The following NRIP3 variants were observed in gnomAD, a reference collection of about 807,000 sequenced individuals.
NRIP3 encodes the protein nuclear receptor interacting protein 3.
A neutral mutation model predicts 29.0 loss-of-function variants in NRIP3; 31 were observed. The observed-to-expected ratio is 1.07, with a 90% confidence interval of 0.80 to 1.44. The LOEUF is 1.44. NRIP3 is among the 40% of genes most tolerant of loss of function. The pLI, the probability that NRIP3 is intolerant of heterozygous loss-of-function variation, is 0.00. For synonymous variants in NRIP3, 131 were observed against 118.3 expected (o/e 1.11, Z -0.70); for missense variants, 314 against 297.9 (o/e 1.05, Z -0.40).
intron 1 of NRIP3, among the ~76,000 whole-genome samples, chr11:8,988,504 A>G (rs145419009): frequency 2.3e-4 from 35 of 152,312 alleles, no homozygotes; most frequent in Admixed American, 2.0e-4. Flanking sequence ...AATGCAAGAT[A>G]TGACACTGGG....
intron 1 of NRIP3, among the ~76,000 whole-genome samples, chr11:9,003,030 T>C (rs1229562383): frequency 6.6e-6 from 1 of 152,088 alleles, no homozygotes; most frequent in Non-Finnish European, 1.5e-5. Flanking sequence ...TGCTTCTACT[T>C]AATGCCAGGA....
At chr11:8,996,203 C>G in intron 1 of NRIP3, among the ~76,000 whole-genome samples, 1 of 151,768 alleles carries the variant, frequency 6.6e-6, no homozygotes. Context: ...TTGATTTCAG[C>G]TATATCCTCA....
intron 1 of NRIP3, among the ~76,000 whole-genome samples, chr11:9,001,002 G>A (rs1479877130): frequency 6.6e-6 from 1 of 152,050 alleles, no homozygotes; most frequent in Non-Finnish European, 1.5e-5. Context: ...CTGCGAGGTC[G>A]AGGCTGCAGT....
intron 1 of NRIP3, 89 bp from the exon 2 acceptor site, chr11:8,988,371 G>A (rs369393272): frequency 1.9e-6 from 2 of 1,061,450 alleles, no homozygotes; most frequent in East Asian, 2.4e-5. Context: ...TAATGAAGGA[G>A]CCTCCCATAA....
At chr11:8,994,750 C>G (rs1854671072) in intron 1 of NRIP3, among the ~76,000 whole-genome samples, 1 of 152,170 alleles carries the variant, frequency 6.6e-6, no homozygotes, top group Non-Finnish European at 1.5e-5. Flanking sequence ...TTATTCTGTT[C>G]CTGTCTCTCT....
intron 1 of NRIP3, among the ~76,000 whole-genome samples, chr11:8,991,507 T>C (rs1353030208): frequency 1.3e-5 from 2 of 152,176 alleles, no homozygotes; most frequent in African/African-American, 2.4e-5. Flanking sequence ...TTACCTCTGC[T>C]TTCAGCCAAA....
intron 1 of NRIP3, among the ~76,000 whole-genome samples, chr11:9,000,561 A>T (rs1419505132): frequency 6.6e-6 from 1 of 152,260 alleles, no homozygotes. Flanking sequence ...CTCTATTGCC[A>T]GACAAGTAAG....
intron 1 of NRIP3, among the ~76,000 whole-genome samples, chr11:8,997,355 C>CAA (rs11324721): frequency 0.026 from 2,624 of 100,432 alleles, 68 homozygotes; most frequent in Non-Finnish European, 0.035. Context: ...GACTCCGTCT[C>CAA]AAAAAAAAAA....
In NRIP3 at chr11:8,982,728, G is replaced by T; in HGVS notation, c.*817C>A. 3.7e-6 allele frequency: 1 copy of T among 270,658 alleles called. No individual in the cohort carries two copies. Among genetic ancestry groups the T allele is most frequent in the Non-Finnish European group, 7.3e-6 (1 of 137,600 alleles). 16.8% of individuals were successfully genotyped at this position (270,658 alleles called of 1,614,324 possible). A position where few individuals can be genotyped will look rare whatever the true frequency, so the allele number is the denominator to read the frequency against. ...CCAAGATGAGGGCCTAAATGTGACA[G>T]TTTGGGGCAAGGAACTTTTACTGGG... On this transcript the variant is annotated 3_prime_UTR_variant, in exon 7 of 7. Coordinates refer to ENST00000309166, the MANE Select transcript of NRIP3 (RefSeq NM_020645.3).
Position 8,982,556 on chromosome 11 carries a change from G to C in NRIP3, c.*989C>G, listed in dbSNP as rs774633913. 2 of 160,708 alleles carry C rather than the reference G, an allele frequency of 1.2e-5. No homozygotes were observed. The highest frequency in any genetic ancestry group is 4.8e-5 in the African/African-American group (2 of 41,446). 10.0% of individuals were successfully genotyped at this position (160,708 alleles called of 1,614,324 possible). On this transcript the variant is annotated 3_prime_UTR_variant, in exon 7 of 7. Coordinates refer to ENST00000309166, the MANE Select transcript of NRIP3 (RefSeq NM_020645.3). Reference sequence around the variant, plus strand: ...TGATCGGATCTTGGGAGTAATCAACGTCTGACAGTGACACTCTGATTTACT... The same window carrying C: ...TGATCGGATCTTGGGAGTAATCAACCTCTGACAGTGACACTCTGATTTACT...
chr11:8,985,943 C>T, intron 3 of NRIP3, 93 bp from the exon 4 acceptor site: 2 of 1,422,568 alleles, frequency 1.4e-6, no homozygotes, highest in Non-Finnish European at 2.0e-6. Context: ...TTGGAATTCT[C>T]CAGGGATCTC....
At chr11:8,995,129 T>C (rs1854678888) in intron 1 of NRIP3, among the ~76,000 whole-genome samples, 1 of 152,152 alleles carries the variant, frequency 6.6e-6, no homozygotes, top group Non-Finnish European at 1.5e-5. Flanking sequence ...TCTCCTAACA[T>C]TACTTTCATG....
intron 1 of NRIP3, among the ~76,000 whole-genome samples, chr11:9,003,239 G>A (rs951977417): frequency 6.6e-6 from 1 of 152,162 alleles, no homozygotes; most frequent in African/African-American, 2.4e-5. Context: ...CACTCAGGAT[G>A]GAAGGTCAAA....
At chr11:9,003,081 C>T (rs1854836307) in intron 1 of NRIP3, among the ~76,000 whole-genome samples, 1 of 152,184 alleles carries the variant, frequency 6.6e-6, no homozygotes. Context: ...ACCCCAGCTC[C>T]AGATGCACAC....
chr11:8,999,870 C>A (rs1320668649), intron 1 of NRIP3, among the ~76,000 whole-genome samples: 2 of 152,310 alleles, frequency 1.3e-5, no homozygotes, highest in African/African-American at 4.8e-5. Flanking sequence ...CCAGACTCCA[C>A]CCCACCCCAG....
chr11:8,998,087 T>C (rs1283879507), intron 1 of NRIP3, among the ~76,000 whole-genome samples: 1 of 152,156 alleles, frequency 6.6e-6, no homozygotes, highest in Admixed American at 6.5e-5. Context: ...TCATATACAG[T>C]CTATAGATAA....
intron 1 of NRIP3, among the ~76,000 whole-genome samples, chr11:8,996,012 G>A (rs1247081694): frequency 6.6e-6 from 1 of 152,156 alleles, no homozygotes; most frequent in Non-Finnish European, 1.5e-5. Context: ...CATTTCCTCA[G>A]AGATACCTTC....
At chr11:8,985,559 A>G in intron 4 of NRIP3, 152 bp downstream of exon 4, 1 of 834,328 alleles carries the variant, frequency 1.2e-6, no homozygotes, top group Non-Finnish European at 1.8e-6. Context: ...TACTTTGGAG[A>G]GCAAAAATTG....
chr11:8,999,348 C>A (rs1335437979), intron 1 of NRIP3, among the ~76,000 whole-genome samples: 2 of 152,174 alleles, frequency 1.3e-5, no homozygotes, highest in African/African-American at 4.8e-5. Flanking sequence ...GAGGTACCAT[C>A]AACTCTCACT....
Sources: allele counts gnomAD v4.1 joint callset (sites outside exome capture counted in the v4.1 genomes callset), GRCh38; gene constraint gnomAD v4.1.1; transcripts MANE v1.5; gene names NCBI Gene and HGNC (gene_info 2026-07-23, HGNC 2026-07-21).